Variants in DGKG observed in about 807,000 individuals in gnomAD.
DGKG encodes DAG kinase gamma.
A neutral mutation model predicts 105.3 loss-of-function variants in DGKG; 78 were observed. The ratio of observed to expected loss-of-function variants is 0.74; its 90% CI spans 0.62 to 0.89. The LOEUF is 0.89. Among genes scored for constraint, DGKG ranks in the 40% least tolerant of loss-of-function variants. The pLI, the probability that DGKG is intolerant of heterozygous loss-of-function variation, is 0.00. For synonymous variants in DGKG, 346 were observed against 367.1 expected (o/e 0.94, Z 0.66); for missense variants, 958 against 1,020.1 (o/e 0.94, Z 0.83).
At chr3:186,308,009 G>A (rs575865227) in intron 2 of DGKG, among the ~76,000 whole-genome samples, 1 of 151,606 alleles carries the variant, frequency 6.6e-6, no homozygotes, top group African/African-American at 2.4e-5. Flanking sequence ...TGTTCCCATG[G>A]TATTTCTCAC....
chr3:186,276,594 C>T (rs933417533), intron 9 of DGKG, among the ~76,000 whole-genome samples: 28 of 152,200 alleles, frequency 1.8e-4, no homozygotes, highest in African/African-American at 6.3e-4. Flanking sequence ...AGGGTTAGAC[C>T]ATCACCTCCT....
Position 186,320,536 on chromosome 3 carries a change from G to A in DGKG, c.-77C>T. The A allele has an allele frequency of 1.2e-6, 2 of 1,610,470 alleles. No homozygotes were observed. Among genetic ancestry groups the A allele is most frequent in the South Asian group, 2.2e-5 (2 of 90,654 alleles). On this transcript the variant is annotated 5_prime_UTR_variant, in exon 2 of 25. Transcript: ENST00000265022. ...AGGCTGAAGTGGAGGCCCAGCCCAG[G>A]GCCTGGCTCATTGCAGGTTTGCGAT...
chr3:186,234,657 T>C (rs193093704), intron 20 of DGKG, among the ~76,000 whole-genome samples: 246 of 152,282 alleles, frequency 1.6e-3, no homozygotes, highest in Non-Finnish European at 3.1e-3. Context: ...AAAAGCCCAT[T>C]AAGCTACAGA....
chr3:186,268,157 A>G (rs1279269028), intron 12 of DGKG, among the ~76,000 whole-genome samples: 1 of 152,224 alleles, frequency 6.6e-6, no homozygotes, highest in African/African-American at 2.4e-5. Flanking sequence ...GGCTGAGAGT[A>G]AACCTTGTGA....
At chr3:186,344,387 A>G (rs1468957159) in intron 1 of DGKG, among the ~76,000 whole-genome samples, 1 of 129,586 alleles carries the variant, frequency 7.7e-6, no homozygotes, top group African/African-American at 3.9e-5. Flanking sequence ...CATATACACC[A>G]TGGAATATAT....
At chr3:186,292,774 C>T (rs1256913243) in intron 5 of DGKG, among the ~76,000 whole-genome samples, 7 of 151,820 alleles carry the variant, frequency 4.6e-5, no homozygotes, top group Admixed American at 6.6e-5. Flanking sequence ...TGCCACTGCA[C>T]TCCAGCCTGG....
At chr3:186,311,876 G>C (rs992180351) in intron 2 of DGKG, among the ~76,000 whole-genome samples, 1 of 129,332 alleles carries the variant, frequency 7.7e-6, no homozygotes, top group East Asian at 1.9e-4. Context: ...CAGCACTTTG[G>C]GAGGCCGAGG....
chr3:186,246,687 C>A (rs1334018975), intron 19 of DGKG, among the ~76,000 whole-genome samples: 2 of 152,122 alleles, frequency 1.3e-5, no homozygotes, highest in Non-Finnish European at 2.9e-5. Flanking sequence ...TGACAAATAA[C>A]CTGGTGCCAG....
chr3:186,315,160 C>T (rs981443424), intron 2 of DGKG, among the ~76,000 whole-genome samples: 9 of 152,176 alleles, frequency 5.9e-5, no homozygotes, highest in Non-Finnish European at 1.3e-4. Context: ...AAACTCTCTG[C>T]CCAGACAGTT....
At chr3:186,311,508 C>G (rs563545119) in intron 2 of DGKG, among the ~76,000 whole-genome samples, 10 of 152,256 alleles carry the variant, frequency 6.6e-5, no homozygotes, top group African/African-American at 2.4e-4. Flanking sequence ...ATCGGGTGTT[C>G]AGAAAGTTTT....
rs1715634530 is a variant in DGKG, at chr3:186,149,035, C to G, written c.*1055G>C. 1.0e-6 allele frequency: 1 copy of G among 983,268 alleles called. No individual in the cohort carries two copies. Among genetic ancestry groups the G allele is most frequent in the Non-Finnish European group, 1.2e-6 (1 of 829,470 alleles). The allele number at this position is 983,268 out of a possible 1,614,324, so 60.9% of individuals were successfully genotyped here. On this transcript the variant is annotated 3_prime_UTR_variant, in exon 25 of 25. Transcript: ENST00000265022. ...ACACACACACACACACGCGCGCACA[C>G]ACGTTAAGACCATCAGAAGGTCCTT...
intron 20 of DGKG, among the ~76,000 whole-genome samples, chr3:186,219,424 G>A (rs1398761890): frequency 1.3e-5 from 2 of 152,210 alleles, no homozygotes; most frequent in African/African-American, 2.4e-5. Flanking sequence ...TTTTCCAAGA[G>A]GGGGCAGTGG....
intron 9 of DGKG, among the ~76,000 whole-genome samples, chr3:186,276,879 C>A (rs923280337): frequency 2.0e-5 from 3 of 152,212 alleles, no homozygotes; most frequent in Non-Finnish European, 4.4e-5. Context: ...GTAATTCTTA[C>A]TTCTGGGGTG....
At position 186,265,251 on chromosome 3, in the gene DGKG, A is replaced by G. The variant is rs1299082271; in HGVS notation, c.1265T>C (p.Met422Thr). The G allele has an allele frequency of 3.1e-6, 5 of 1,614,128 alleles. No homozygotes were observed. The highest frequency in any genetic ancestry group is 4.2e-6 in the Non-Finnish European group (5 of 1,180,022). ...GCVSAKGELV[M>T]QYKIIPTPGT... ...GATTTAGAGCTCATGAGGTACCTGC[A>G]TGACAAGTTCGCCCTTGGCGGACAC... The change falls in exon 14 of 25, where the codon ATG (methionine) becomes ACG (threonine). Residue 422 changes from methionine to threonine, a missense_variant. Around this residue, in one of 2 missense-constraint regions of DGKG, gnomAD observed 643 missense variants for 619.5 expected, o/e 1.04. Coordinates refer to ENST00000265022, the MANE Select transcript of DGKG (RefSeq NM_001346.3).
chr3:186,296,861 C>G (rs1723589434), intron 5 of DGKG, among the ~76,000 whole-genome samples: 1 of 152,220 alleles, frequency 6.6e-6, no homozygotes, highest in Non-Finnish European at 1.5e-5. Context: ...GCAAATATAT[C>G]TTCAAGACCA....
At chr3:186,176,942 G>C (rs1347105334) in intron 22 of DGKG, among the ~76,000 whole-genome samples, 2 of 152,234 alleles carry the variant, frequency 1.3e-5, no homozygotes, top group Non-Finnish European at 2.9e-5. Context: ...GGCAGGAAGA[G>C]GCTGAGCTTG....
intron 1 of DGKG, among the ~76,000 whole-genome samples, chr3:186,359,981 T>C (rs1029135528): frequency 2.0e-5 from 3 of 152,208 alleles, no homozygotes; most frequent in African/African-American, 7.2e-5. Flanking sequence ...CTTTTCCCCC[T>C]TCTCTTCCAG....
intron 15 of DGKG, among the ~76,000 whole-genome samples, chr3:186,260,838 A>G (rs1167079804): frequency 6.6e-6 from 1 of 152,252 alleles, no homozygotes; most frequent in Admixed American, 6.5e-5. Flanking sequence ...TCCTCCACAG[A>G]GACCTTCTCC....
chr3:186,337,339 G>T (rs191160156), intron 1 of DGKG, among the ~76,000 whole-genome samples: 3 of 151,948 alleles, frequency 2.0e-5, no homozygotes, highest in Non-Finnish European at 2.9e-5. Flanking sequence ...GAATATAAGA[G>T]AAATTCATAT....
Sources: allele counts gnomAD v4.1 joint callset (sites outside exome capture counted in the v4.1 genomes callset), GRCh38; gene constraint gnomAD v4.1.1; regional missense constraint gnomAD v4.1.1; transcripts MANE v1.5; gene names NCBI Gene and HGNC (gene_info 2026-07-23, HGNC 2026-07-21).